The following GPD2 variants were observed in gnomAD, a reference collection of about 807,000 sequenced individuals.
GPD2 encodes glycerol-3-phosphate dehydrogenase 2, also known as glycerol-3-phosphate dehydrogenase, mitochondrial.
In GPD2, 54 loss-of-function variants were observed where a neutral mutation model predicts 82.4. That is an observed-to-expected ratio of 0.66 (90% CI 0.53 to 0.82). The LOEUF (loss-of-function observed/expected upper bound fraction) is 0.82, where lower values mean the gene tolerates loss of function less well. Ranked by LOEUF, GPD2 falls within the 40% of genes least tolerant of loss-of-function variation. GPD2 has a pLI of 0.00. For missense variants in GPD2, 748 were observed against 896.2 expected, an observed-to-expected ratio of 0.83 and a Z score of 2.11; for synonymous variants, 288 against 306.1, an observed-to-expected ratio of 0.94 and a Z score of 0.62.
chr2:156,450,780 C>A (rs1301939214), intron 1 of GPD2, among the ~76,000 whole-genome samples: 20 of 99,832 alleles, frequency 2.0e-4, no homozygotes, highest in African/African-American at 7.3e-4. Flanking sequence ...GAACAAAGGT[C>A]TCTGGTTTTC....
Position 156,513,504 on chromosome 2 carries a change from A to AT in GPD2, c.661+9dup, listed in dbSNP as rs763009158. ...CAATTGTCTACTATGACGGTATGTG[A>AT]TGTTTTTTTTTTTTTTCCTCACAAG... On this transcript the variant is annotated intron_variant, in intron 6 of 16. Coordinates refer to ENST00000438166, the MANE Select transcript of GPD2 (RefSeq NM_000408.5). 3.2e-6 allele frequency: 5 copies of AT among 1,563,144 alleles called. No homozygotes were observed. In the African/African-American group the frequency reaches 4.1e-5, roughly 13 times the overall value.
the GPD2 span, among the ~76,000 whole-genome samples, chr2:156,404,225 T>A: frequency 1.3e-5 from 2 of 150,590 alleles, no homozygotes; most frequent in South Asian, 4.2e-4. Context: ...AATTAAAAAT[T>A]AAAAAAAAAT....
chr2:156,584,443 T>A lies in GPD2; in HGVS notation c.*1525T>A, dbSNP rs1688142489. ...ATGTCAATACTGCAGAGTATCTTTA[T>A]GCCTTATTCAAGTGGATTCTGAGCC... On this transcript the variant is annotated 3_prime_UTR_variant, in exon 17 of 17. Coordinates refer to ENST00000438166, the MANE Select transcript of GPD2 (RefSeq NM_000408.5). 6.6e-6 allele frequency: 1 copy of A among 152,464 alleles called. No individual in the cohort carries two copies. The highest frequency in any genetic ancestry group is 1.5e-5 in the Non-Finnish European group (1 of 67,962). The allele number at this position is 152,464 out of a possible 1,614,324, so 9.4% of individuals were successfully genotyped here. A position where few individuals can be genotyped will look rare whatever the true frequency, so the allele number is the denominator to read the frequency against.
chr2:156,517,358 C>T (rs138014017), intron 6 of GPD2, among the ~76,000 whole-genome samples: 2,021 of 152,272 alleles, frequency 0.013, 12 homozygotes, highest in African/African-American at 0.021. Flanking sequence ...AACAAATTCA[C>T]ATAAATGGAG....
At chr2:156,580,991 A>G (rs996303409) in intron 16 of GPD2, among the ~76,000 whole-genome samples, 1 of 152,160 alleles carries the variant, frequency 6.6e-6, no homozygotes, top group Non-Finnish European at 1.5e-5. Flanking sequence ...GCTTCATTTC[A>G]TGTGTTGTAA....
intron 1 of GPD2, among the ~76,000 whole-genome samples, chr2:156,460,407 G>C (rs1682949384): frequency 6.6e-6 from 1 of 152,142 alleles, no homozygotes; most frequent in Non-Finnish European, 1.5e-5. Context: ...GAAATAAAAT[G>C]GGGATAGGCC....
intron 1 of GPD2, among the ~76,000 whole-genome samples, chr2:156,439,550 A>C (rs1179065355): frequency 2.1e-5 from 3 of 141,270 alleles, no homozygotes; most frequent in Non-Finnish European, 4.6e-5. Flanking sequence ...CAAAAAAAAA[A>C]AAACAAGCCA....
At chr2:156,522,469 C>A (rs1207084921) in intron 6 of GPD2, among the ~76,000 whole-genome samples, 2 of 152,098 alleles carry the variant, frequency 1.3e-5, no homozygotes, top group Non-Finnish European at 2.9e-5. Flanking sequence ...GTTCAGTTGA[C>A]CCATTTAAAA....
At chr2:156,454,881 T>A (rs1384194795) in intron 1 of GPD2, among the ~76,000 whole-genome samples, 5 of 152,042 alleles carry the variant, frequency 3.3e-5, no homozygotes, top group African/African-American at 1.2e-4. Flanking sequence ...TCTTAGTGTG[T>A]CTGTAGCCTA....
In GPD2 at chr2:156,582,676, G is replaced by A. The variant is rs549622677; in HGVS notation, c.2059-117G>A. 1.3e-5 allele frequency: 14 copies of A among 1,090,112 alleles called. No individual in the cohort carries two copies. In the South Asian group the frequency reaches 1.6e-4, roughly 13 times the overall value. 67.5% of individuals were successfully genotyped at this position (1,090,112 alleles called of 1,614,324 possible). ...TTATCTGAGCTGTAGTACTTGTTAAGGTTTTTGATGGAGCACTTAATTACC... is the reference window on the plus strand; with the variant it reads ...TTATCTGAGCTGTAGTACTTGTTAAAGTTTTTGATGGAGCACTTAATTACC... On this transcript the variant is annotated intron_variant, in intron 16 of 16. Transcript: ENST00000438166.
chr2:156,529,536 T>C (rs1265064107), intron 6 of GPD2, among the ~76,000 whole-genome samples: 8 of 151,872 alleles, frequency 5.3e-5, no homozygotes, highest in African/African-American at 9.7e-5. Flanking sequence ...TGAATGGTAA[T>C]GCCTAGGTTT....
chr2:156,463,918 A>G (rs1448139666), intron 1 of GPD2, among the ~76,000 whole-genome samples: 4 of 152,348 alleles, frequency 2.6e-5, no homozygotes, highest in South Asian at 2.1e-4. Flanking sequence ...CTTATGCAGA[A>G]TAACTAGACT....
the GPD2 span, among the ~76,000 whole-genome samples, chr2:156,403,018 T>C: frequency 1.4e-5 from 2 of 145,180 alleles, no homozygotes; most frequent in African/African-American, 5.1e-5. Context: ...CACCAGCCAA[T>C]GGTGATGCTC....
intron 3 of GPD2, among the ~76,000 whole-genome samples, chr2:156,508,805 A>T (rs2105265768): frequency 6.6e-6 from 1 of 152,326 alleles, no homozygotes; most frequent in Non-Finnish European, 1.5e-5. Flanking sequence ...GCTCACTGAG[A>T]TAGTGCATTC....
chr2:156,569,366 G>C lies in GPD2; in HGVS notation c.1304G>C (p.Gly435Ala). 1 of 1,604,338 alleles carries C rather than the reference G, an allele frequency of 6.2e-7. No individual in the cohort carries two copies. The highest frequency in any genetic ancestry group is 8.5e-7 in the Non-Finnish European group (1 of 1,171,316). Reference protein sequence around the residue: ...SESGLITIAGGKWTTYRSMAE... With the variant: ...SESGLITIAGAKWTTYRSMAE... ...TTGTCTATCAATTTCTTTATAGGTG[G>C]AAAGTGGACAACTTATCGGTCTATG... Residue 435 changes from glycine (G) to alanine (A), a missense_variant, in exon 11 of 17, where the codon GGA becomes GCA. This residue lies in a region of GPD2 where 692 missense variants were observed against 809.7 expected (regional missense o/e 0.85). Transcript: ENST00000438166.
At chr2:156,469,484 G>A (rs1683253952) in intron 1 of GPD2, among the ~76,000 whole-genome samples, 2 of 152,176 alleles carry the variant, frequency 1.3e-5, no homozygotes, top group Admixed American at 1.3e-4. Context: ...TCTTTTTTAT[G>A]GCTGAATACT....
chr2:156,493,476 G>A (rs1296482004), intron 2 of GPD2, among the ~76,000 whole-genome samples: 3 of 152,082 alleles, frequency 2.0e-5, no homozygotes, highest in Non-Finnish European at 4.4e-5. Context: ...AGAGCTTGGT[G>A]ATGAGAAGGA....
intron 3 of GPD2, among the ~76,000 whole-genome samples, chr2:156,508,708 C>T (rs1341813928): frequency 1.3e-5 from 2 of 152,146 alleles, no homozygotes; most frequent in African/African-American, 2.4e-5. Flanking sequence ...TCAACTCCCT[C>T]GTCTGATCTT....
chr2:156,419,974 A>ATTTGGAC, the GPD2 span, among the ~76,000 whole-genome samples: 5 of 152,220 alleles, frequency 3.3e-5, no homozygotes, highest in Admixed American at 3.3e-4. Context: ...TGTAGAATAC[A>ATTTGGAC]CAAATGTCAC....
Sources: allele counts gnomAD v4.1 joint callset (sites outside exome capture counted in the v4.1 genomes callset), GRCh38; gene constraint gnomAD v4.1.1; regional missense constraint gnomAD v4.1.1; transcripts MANE v1.5; gene names NCBI Gene and HGNC (gene_info 2026-07-23, HGNC 2026-07-21).